The following MLIP variants were observed in gnomAD, a reference collection of about 807,000 sequenced individuals.
MLIP encodes the protein muscular LMNA interacting protein.
A neutral mutation model predicts 84.8 loss-of-function variants in MLIP; 79 were observed. That is an observed-to-expected ratio of 0.93 (90% confidence interval 0.78 to 1.12). The LOEUF is 1.12. MLIP is among the 50% of genes most tolerant of loss of function. The pLI, the probability that MLIP is intolerant of heterozygous loss-of-function variation, is 0.00. For missense variants in MLIP, 1,257 were observed against 1,160.6 expected, an observed-to-expected ratio of 1.08 and a Z score of -1.21; for synonymous variants, 504 against 463.0, an observed-to-expected ratio of 1.09 and a Z score of -1.14.
intron 1 of MLIP, among the ~76,000 whole-genome samples, chr6:54,112,233 A>G (rs1769526792): frequency 1.3e-5 from 2 of 152,204 alleles, no homozygotes; most frequent in South Asian, 4.1e-4. Flanking sequence ...ATTCATTCTT[A>G]GGCTACATTG....
chr6:54,245,281 C>A (rs985415325), intron 12 of MLIP, among the ~76,000 whole-genome samples: 1 of 152,084 alleles, frequency 6.6e-6, no homozygotes, highest in Non-Finnish European at 1.5e-5. Flanking sequence ...GGAGTGAATT[C>A]AAATTGAGAG....
chr6:54,121,835 T>C (rs1770481947), intron 2 of MLIP, among the ~76,000 whole-genome samples: 2 of 152,328 alleles, frequency 1.3e-5, no homozygotes, highest in South Asian at 2.1e-4. Flanking sequence ...GCTATTGACA[T>C]GACAAATTCT....
chr6:54,102,979 G>A (rs959128869), intron 1 of MLIP, among the ~76,000 whole-genome samples: 1 of 152,114 alleles, frequency 6.6e-6, no homozygotes, highest in African/African-American at 2.4e-5. Flanking sequence ...TTTATAAAGT[G>A]TGTTGTGTGT....
intron 12 of MLIP, among the ~76,000 whole-genome samples, chr6:54,235,667 T>C (rs746975799): frequency 2.0e-5 from 3 of 152,200 alleles, no homozygotes; most frequent in Non-Finnish European, 4.4e-5. Context: ...TTATGATTAT[T>C]TCTATTTCAA....
intron 12 of MLIP, among the ~76,000 whole-genome samples, chr6:54,247,622 A>T (rs1449770356): frequency 6.6e-6 from 1 of 152,174 alleles, no homozygotes. Context: ...TGTAGTTTGA[A>T]ATAATGCATA....
At chr6:54,158,183 A>G (rs1271614025) in intron 5 of MLIP, among the ~76,000 whole-genome samples, 2 of 152,082 alleles carry the variant, frequency 1.3e-5, no homozygotes, top group African/African-American at 2.4e-5. Context: ...AATGGATTCC[A>G]TGGTTTCACA....
chr6:54,261,126 G>C (rs541997833), intron 13 of MLIP, among the ~76,000 whole-genome samples: 2 of 152,116 alleles, frequency 1.3e-5, no homozygotes, highest in Non-Finnish European at 2.9e-5. Flanking sequence ...TGATTTCTGA[G>C]TTGAGTTACT....
intron 13 of MLIP, among the ~76,000 whole-genome samples, chr6:54,259,595 C>T (rs943703785): frequency 2.0e-5 from 3 of 151,656 alleles, no homozygotes; most frequent in Non-Finnish European, 4.4e-5. Context: ...TTATCACAAC[C>T]CTGGAGACAA....
At chr6:54,082,477 C>A (rs1201176820) in intron 1 of MLIP, among the ~76,000 whole-genome samples, 1 of 152,194 alleles carries the variant, frequency 6.6e-6, no homozygotes. Flanking sequence ...CCTCCCCTAA[C>A]ACTTGGGGAT....
chr6:54,068,109 C>T (rs1488271238), intron 1 of MLIP, among the ~76,000 whole-genome samples: 16 of 60,050 alleles, frequency 2.7e-4, no homozygotes, highest in East Asian at 1.2e-3. Flanking sequence ...CCCTCCCTCC[C>T]TCCTCTCCCT....
chr6:54,259,368 C>T (rs1783233109), intron 13 of MLIP, among the ~76,000 whole-genome samples: 1 of 151,776 alleles, frequency 6.6e-6, no homozygotes, highest in African/African-American at 2.4e-5. Context: ...CTTTGTATTT[C>T]TTTCAAATAC....
At chr6:54,030,727 G>A (rs1764085349) in intron 1 of MLIP, 1 of 152,088 alleles carries the variant, frequency 6.6e-6, no homozygotes, top group Non-Finnish European at 1.5e-5. Context: ...AAAATATGCA[G>A]TCTCATCTGC....
rs1777743440 is a variant in MLIP at position 54,189,862 on chromosome 6, T to TA, written c.2545-8_2545-7insA. 1.9e-6 allele frequency: 3 copies of TA among 1,591,072 alleles called. No individual in the cohort carries two copies. The highest frequency in any genetic ancestry group is 1.7e-6 in the Non-Finnish European group (2 of 1,159,844). On this transcript the variant is annotated splice_polypyrimidine_tract_variant and splice_region_variant and intron_variant, in intron 9 of 13. Coordinates refer to ENST00000502396, the MANE Select transcript of MLIP (RefSeq NM_001281747.2). ...TTCACTAATAAATGCCATGTTTATGTTTTGCAGGCAAATCTCTCCTCACCA... is the reference window on the plus strand; with the variant it reads ...TTCACTAATAAATGCCATGTTTATGTATTTGCAGGCAAATCTCTCCTCACCA...
intron 1 of MLIP, chr6:54,047,273 A>T (rs1157556301): frequency 2.0e-5 from 3 of 152,170 alleles, no homozygotes; most frequent in Non-Finnish European, 2.9e-5. Flanking sequence ...AGGAAGATAG[A>T]GGGATGAGTG....
At chr6:54,214,953 C>A (rs1347918587) in intron 11 of MLIP, among the ~76,000 whole-genome samples, 18 of 152,292 alleles carry the variant, frequency 1.2e-4, no homozygotes, top group Non-Finnish European at 2.6e-4. Context: ...AACGTTTGTG[C>A]CAGGCTCTGC....
rs185928089 is a variant in MLIP, at chr6:54,026,009, A to T, written c.63+6918A>T. On this transcript the variant is annotated intron_variant, in intron 1 of 12. Coordinates refer to the MLIP transcript ENST00000274897. ...GGAAATAATTATTTTCATAAAACAG[A>T]TGGGTGGTAGAGACCAAAATTTCAT... Among the ~76,000 whole-genome samples, 147 of 152,336 alleles carry T rather than the reference A, an allele frequency of 9.6e-4. 1 individual carries two copies. Among genetic ancestry groups the T allele is most frequent in the Non-Finnish European group, 2.0e-3 (137 of 68,032 alleles).
At chr6:54,260,312 T>C (rs953846345) in intron 13 of MLIP, among the ~76,000 whole-genome samples, 3 of 151,972 alleles carry the variant, frequency 2.0e-5, no homozygotes, top group African/African-American at 7.2e-5. Context: ...TCTAGCTCAG[T>C]GGTTCTCAAC....
intron 12 of MLIP, among the ~76,000 whole-genome samples, chr6:54,252,286 A>G (rs1456208011): frequency 1.7e-5 from 2 of 116,358 alleles, no homozygotes; most frequent in African/African-American, 3.6e-5. Flanking sequence ...TAACTATAAT[A>G]TATTATACCA....
intron 1 of MLIP, 84 bp downstream of exon 1, chr6:54,111,659 G>A: frequency 3.0e-6 from 4 of 1,342,304 alleles, no homozygotes; most frequent in Non-Finnish European, 4.1e-6. Flanking sequence ...AAGGATGTGA[G>A]GGAGAGCTGC....
Sources: allele counts gnomAD v4.1 joint callset (sites outside exome capture counted in the v4.1 genomes callset), GRCh38; gene constraint gnomAD v4.1.1; transcripts MANE v1.5; gene names NCBI Gene and HGNC (gene_info 2026-07-23, HGNC 2026-07-21).